Variants in RRP8 observed in about 807,000 individuals in gnomAD.
The protein encoded by RRP8 is ribosomal RNA processing 8, also known as ribosomal RNA-processing protein 8.
A neutral mutation model predicts 45.0 loss-of-function variants in RRP8; 48 were observed. The observed-to-expected ratio is 1.07, with a 90% CI of 0.85 to 1.36. RRP8 has a LOEUF of 1.36. RRP8 is among the 40% of genes most tolerant of loss of function. RRP8 has a pLI of 0.00. For synonymous variants in RRP8, 274 were observed against 212.4 expected (o/e 1.29, Z -2.52); for missense variants, 658 against 573.7 (o/e 1.15, Z -1.50).
rs1490136148 is a variant in RRP8 at position 6,596,615 on chromosome 11, C to G, written c.*3531G>C. ...ACTGCAGGAGTTGGGTATCCTAAAA[C>G]CAGATGGCTGGTCAGAGAATTCACC... On this transcript the variant is annotated 3_prime_UTR_variant, in exon 7 of 7. Coordinates refer to ENST00000254605, the MANE Select transcript of RRP8 (RefSeq NM_015324.4). 6.6e-6 allele frequency: 1 copy of G among 152,160 alleles called. No homozygotes were observed. The highest frequency in any genetic ancestry group is 1.5e-5 in the Non-Finnish European group (1 of 68,032). 9.4% of individuals were successfully genotyped at this position (152,160 alleles called of 1,614,324 possible).
At position 6,600,772 on chromosome 11, in the gene RRP8, G is replaced by A. The variant is rs1466326165; in HGVS notation, c.1051C>T (p.Pro351Ser). 3.7e-6 allele frequency: 6 copies of A among 1,613,746 alleles called. No individual in the cohort carries two copies. The Admixed American group carries it at 8.3e-5, about 22-fold the overall frequency. The change falls in exon 5 of 7, where the codon CCT becomes TCT. Residue 351 changes from proline (P) to serine (S), a missense_variant. By Grantham distance (74) the Pro-to-Ser change is moderately conservative. Transcript: ENST00000254605. ...ACATCCACAGACTCATCCTCCAGAG[G>A]AACCTGTGGAGAGTGAGAGTGTTGT... Reference protein sequence around the residue: ...RVTVCDMAQVPLEDESVDVAV... With the variant: ...RVTVCDMAQVSLEDESVDVAV...
chr11:6,603,464 T>C lies in RRP8; in HGVS notation c.39A>G (p.Val13=), dbSNP rs553443706. The C allele has an allele frequency of 2.5e-6, 4 of 1,601,672 alleles. No homozygotes were observed. Among genetic ancestry groups the C allele is most frequent in the East Asian group, 2.3e-5 (1 of 44,402 alleles). Residue 13 remains valine (V), a synonymous_variant, in exon 1 of 7, where the codon GTA becomes GTG. Transcript: ENST00000254605. The part of the protein sequence containing the change: ...EEPEWAEAAP[V]AAGLGPVISR... Reference sequence around the variant, plus strand: ...AGATTACGGGCCCAAGGCCCGCGGCTACTGGGGCCGCCTCGGCCCACTCAG... The same window carrying C: ...AGATTACGGGCCCAAGGCCCGCGGCCACTGGGGCCGCCTCGGCCCACTCAG...
At position 6,597,448 on chromosome 11, in the gene RRP8, A is replaced by C. The variant is rs983555275; in HGVS notation, c.*2698T>G. On this transcript the variant is annotated 3_prime_UTR_variant, in exon 7 of 7. Coordinates refer to ENST00000254605, the MANE Select transcript of RRP8 (RefSeq NM_015324.4). ...AGGAACTCTGGAAGAGGGCTTTCATAATGGAGCAACCTCTTACCACTGCCA... is the reference window on the plus strand; with the variant it reads ...AGGAACTCTGGAAGAGGGCTTTCATCATGGAGCAACCTCTTACCACTGCCA... 5.9e-5 allele frequency: 9 copies of C among 152,190 alleles called. No homozygotes were observed. Among genetic ancestry groups the C allele is most frequent in the Admixed American group, 3.3e-4 (5 of 15,284 alleles). The allele number at this position is 152,190 out of a possible 1,614,324, so 9.4% of individuals were successfully genotyped here.
At position 6,602,105 on chromosome 11, in the gene RRP8, T is replaced by C; in HGVS notation, c.210A>G (p.Glu70=). 6.2e-7 allele frequency: 1 copy of C among 1,613,024 alleles called. No homozygotes were observed. Among genetic ancestry groups the C allele is most frequent in the African/African-American group, 1.3e-5 (1 of 74,936 alleles). The change falls in exon 2 of 7, where the codon GAA becomes GAG. Residue 70 remains glutamate (E), a synonymous_variant. Transcript: ENST00000254605. Reference sequence around the variant, plus strand: ...CCTTTTTGGGGCATTTCTTCTTCCTTTCCTCCTCCTCCTCCTCAGAGTCAC... The same window carrying C: ...CCTTTTTGGGGCATTTCTTCTTCCTCTCCTCCTCCTCCTCCTCAGAGTCAC... ...CISDSEEEEE[E]RKKKCPKKAS... is the part of the protein sequence containing the mutation.
Position 6,600,536 on chromosome 11 carries a change from G to A in RRP8, c.1201C>T (p.Arg401Ter), listed in dbSNP as rs142644288. ...TTGGTCACAGCCCGCAGAAAGGTTC[G>A]AACATCCTCAAAGCGGCTGCTGACC... ...AEVSSRFEDV[R>*]TFLRAVTKLG... is the part of the protein sequence containing the mutation. Residue 401 changes from arginine (R) to a stop codon, truncating the protein, a stop_gained, in exon 6 of 7, where the codon CGA becomes TGA. Coordinates refer to ENST00000254605, the MANE Select transcript of RRP8 (RefSeq NM_015324.4). LOFTEE classifies it high-confidence loss of function. The A allele has an allele frequency of 4.3e-6, 7 of 1,613,986 alleles. No individual in the cohort carries two copies. The highest frequency in any genetic ancestry group is 1.1e-5 in the South Asian group (1 of 91,030).
chr11:6,603,581 G>C lies in RRP8; in HGVS notation c.-79C>G, dbSNP rs532173261. On this transcript the variant is annotated 5_prime_UTR_variant, in exon 1 of 7. Transcript: ENST00000254605. Reference sequence around the variant, plus strand: ...GCTCCTCTGGAAGTCGGAGCGCTCAGACCTGCCAGAACCGACCCGGAAACC... The same window carrying C: ...GCTCCTCTGGAAGTCGGAGCGCTCACACCTGCCAGAACCGACCCGGAAACC... The C allele has an allele frequency of 4.0e-4, 385 of 966,392 alleles. 2 individuals are homozygous for C. The Middle Eastern group carries it at 4.8e-3, about 12-fold the overall frequency. 59.9% of individuals were successfully genotyped at this position (966,392 alleles called of 1,614,324 possible).
At chr11:6,602,746 G>T (rs549436229) in intron 1 of RRP8, among the ~76,000 whole-genome samples, 1 of 152,352 alleles carries the variant, frequency 6.6e-6, no homozygotes, top group East Asian at 1.9e-4. Flanking sequence ...CCGATTCCAT[G>T]TTGGAGGCAG....
Position 6,600,082 on chromosome 11 carries a change from C to G in RRP8, c.*64G>C. ...TCTTGGCTCACAGCCAGGCTGGAAA[C>G]AGTCTTCACAGTTCTGAGCCTGGAG... On this transcript the variant is annotated 3_prime_UTR_variant, in exon 7 of 7. Coordinates refer to ENST00000254605, the MANE Select transcript of RRP8 (RefSeq NM_015324.4). The G allele has an allele frequency of 1.8e-6, 2 of 1,086,420 alleles. No individual in the cohort carries two copies. The highest frequency in any genetic ancestry group is 3.5e-5 in the South Asian group (2 of 56,602). 67.3% of individuals were successfully genotyped at this position (1,086,420 alleles called of 1,614,324 possible).
Position 6,601,431 on chromosome 11 carries a change from G to A in RRP8, c.635C>T (p.Pro212Leu). The stretch of plus-strand genomic sequence containing the variant: ...TGTCTTCTCTGTGGGGGCCTCAGCT[G>A]GGGCCTGGTCTGGCACCTGAGGTGG... Reference protein sequence around the residue: ...FQPPQVPDQAPAEAPTEKTEV... With the variant: ...FQPPQVPDQALAEAPTEKTEV... The change falls in exon 3 of 7, where the codon CCA becomes CTA. Residue 212 changes from proline to leucine, a missense_variant. Transcript: ENST00000254605. The A allele has an allele frequency of 6.2e-7, 1 of 1,614,122 alleles. No individual in the cohort carries two copies. Among genetic ancestry groups the A allele is most frequent in the Admixed American group, 1.7e-5 (1 of 60,034 alleles).
chr11:6,602,248 A>C, intron 1 of RRP8, 33 bp from the exon 2 acceptor site: 1 of 1,517,586 alleles, frequency 6.6e-7, no homozygotes, highest in South Asian at 1.3e-5. Flanking sequence ...AGTGGGCCTA[A>C]AGAGAATGGA....
At position 6,601,283 on chromosome 11, in the gene RRP8, C is replaced by G. The variant is rs780329905; in HGVS notation, c.783G>C (p.Gly261=). The G allele has an allele frequency of 6.2e-7, 1 of 1,612,902 alleles. No homozygotes were observed. ...AGAGACGCTGTGCAGCACTGCTGGGCCCTGAGTACAACTGTTCATTGAGGT... is the reference window on the plus strand; with the variant it reads ...AGAGACGCTGTGCAGCACTGCTGGGGCCTGAGTACAACTGTTCATTGAGGT... The part of the protein sequence containing the change: ...FRYLNEQLYS[G]PSSAAQRLFQ... Residue 261 remains glycine (G), a synonymous_variant, in exon 3 of 7, where the codon GGG becomes GGC. Transcript: ENST00000254605.
chr11:6,600,754 C>G lies in RRP8; in HGVS notation c.1069G>C (p.Val357Leu), dbSNP rs1854329287. Residue 357 changes from valine to leucine, a missense_variant, in exon 5 of 7, where the codon GTG (valine) becomes CTG (leucine). Coordinates refer to ENST00000254605, the MANE Select transcript of RRP8 (RefSeq NM_015324.4). Reference protein sequence around the residue: ...MAQVPLEDESVDVAVFCLSLM... With the variant: ...MAQVPLEDESLDVAVFCLSLM... The stretch of plus-strand genomic sequence containing the variant: ...GAAAGGCAAAACACAGCCACATCCA[C>G]AGACTCATCCTCCAGAGGAACCTGT... The G allele has an allele frequency of 6.2e-7, 1 of 1,614,088 alleles. No individual in the cohort carries two copies. The highest frequency in any genetic ancestry group is 1.3e-5 in the African/African-American group (1 of 75,048).
At chr11:6,603,302 G>C (rs1854498033) in intron 1 of RRP8, 102 bp downstream of exon 1, 1 of 797,374 alleles carries the variant, frequency 1.3e-6, no homozygotes. Flanking sequence ...CGCCCTTAAC[G>C]GTGCCACAGG....
At chr11:6,603,345 T>C (rs1854500919) in intron 1 of RRP8, 59 bp downstream of exon 1, 4 of 1,243,918 alleles carry the variant, frequency 3.2e-6, no homozygotes, top group South Asian at 1.3e-5. Context: ...AGCGCTGGGA[T>C]CCACCAATGT....
At chr11:6,601,719 A>T (rs900042884) in intron 2 of RRP8, 117 bp from the exon 3 acceptor site, 1 of 1,477,668 alleles carries the variant, frequency 6.8e-7, no homozygotes, top group Non-Finnish European at 9.0e-7. Context: ...CCTGCAGAGA[A>T]GTACTTCTTA....
intron 1 of RRP8, among the ~76,000 whole-genome samples, chr11:6,602,784 G>A (rs556898415): frequency 6.6e-6 from 1 of 152,160 alleles, no homozygotes; most frequent in Non-Finnish European, 1.5e-5. Context: ...GCCTGAGGAA[G>A]CAGGGCCCTC....
intron 4 of RRP8, 24 bp from the exon 5 acceptor site, chr11:6,600,799 T>A: frequency 6.2e-7 from 1 of 1,610,534 alleles, no homozygotes; most frequent in Non-Finnish European, 8.5e-7. Flanking sequence ...GAGTGTTGTA[T>A]AAGGCACACA....
At chr11:6,601,643 C>T (rs751974994) in intron 2 of RRP8, 41 bp from the exon 3 acceptor site, 1 of 1,552,512 alleles carries the variant, frequency 6.4e-7, no homozygotes, top group East Asian at 2.2e-5. Flanking sequence ...GAGGCAAGAT[C>T]TCTTACATTC....
At position 6,599,028 on chromosome 11, in the gene RRP8, C is replaced by T. The variant is rs1400753610; in HGVS notation, c.*1118G>A. 2.0e-5 allele frequency: 3 copies of T among 152,332 alleles called. No homozygotes were observed. The highest frequency in any genetic ancestry group is 4.4e-5 in the Non-Finnish European group (3 of 68,088). 9.4% of individuals were successfully genotyped at this position (152,332 alleles called of 1,614,324 possible). ...GAACAGCCCAATGCCCCCAAGCCCA[C>T]ATGGCATCAACAAGTTGTTTATGAA... On this transcript the variant is annotated 3_prime_UTR_variant, in exon 7 of 7. Transcript: ENST00000254605.
Sources: allele counts gnomAD v4.1 joint callset (sites outside exome capture counted in the v4.1 genomes callset), GRCh38; gene constraint gnomAD v4.1.1; transcripts MANE v1.5; gene names NCBI Gene and HGNC (gene_info 2026-07-23, HGNC 2026-07-21).